The following VPS9D1 variants were observed in gnomAD, a reference collection of about 807,000 sequenced individuals.
VPS9D1 encodes the protein VPS9 domain-containing protein 1.
In VPS9D1, 78 loss-of-function variants were observed where a neutral mutation model predicts 75.8. The ratio of observed to expected loss-of-function variants is 1.03; its 90% CI spans 0.86 to 1.24. The LOEUF is 1.24. VPS9D1 is among the 50% of genes most tolerant of loss of function. The pLI is 0.00. For missense variants in VPS9D1, 1,057 were observed against 847.7 expected (o/e 1.25, Z -3.07); for synonymous variants, 481 against 385.6 (o/e 1.25, Z -2.90).
intron 9 of VPS9D1, 93 bp downstream of exon 9, chr16:89,711,234 G>C: frequency 7.2e-7 from 1 of 1,393,648 alleles, no homozygotes; most frequent in Admixed American, 2.1e-5. Context: ...CAGGCTCCCT[G>C]TGTCAGTCCA....
chr16:89,709,720 G>T lies in VPS9D1; in HGVS notation c.1388+57C>A, dbSNP rs922100001. 1.9e-6 allele frequency: 3 copies of T among 1,610,778 alleles called. No individual in the cohort carries two copies. In the African/African-American group the frequency reaches 4.0e-5, roughly 21 times the overall value. On this transcript the variant is annotated intron_variant, in intron 11 of 14. Transcript: ENST00000389386. ...GCCAGGGAGCAGGGCAGGCCTCCTG[G>T]GGGACTGGGCTGGAAGACACTAGGC...
intron 4 of VPS9D1, among the ~76,000 whole-genome samples, chr16:89,714,933 C>T (rs1257879021): frequency 6.6e-6 from 1 of 151,890 alleles, no homozygotes; most frequent in Non-Finnish European, 1.5e-5. Context: ...TGGGGTTTCA[C>T]CATGTTAGCC....
At chr16:89,709,498 G>C in intron 11 of VPS9D1, 63 bp from the exon 12 acceptor site, 1 of 1,454,364 alleles carries the variant, frequency 6.9e-7, no homozygotes, top group Non-Finnish European at 9.1e-7. Context: ...CAGAAGCAGG[G>C]CTGTGGCTGG....
At position 89,720,185 on chromosome 16, in the gene VPS9D1, TCTC is replaced by T. The variant is rs1335292144; in HGVS notation, c.99+575_99+577del. 2.6e-5 allele frequency among the ~76,000 whole-genome samples: 4 copies of T among 152,112 alleles called. No individual in the cohort carries two copies. The South Asian group carries it at 6.2e-4, about 24-fold the overall frequency. ...AAGCAGCAGATTCAGGAACGAGGCT[TCTC>T]CTAGGCACAGGCAGGCTCCTTCCCT... On this transcript the variant is annotated intron_variant, in intron 1 of 14. Coordinates refer to ENST00000389386, the MANE Select transcript of VPS9D1 (RefSeq NM_004913.3).
Position 89,707,805 on chromosome 16 carries a change from G to C in VPS9D1, c.*56C>G, listed in dbSNP as rs1306684328. On this transcript the variant is annotated 3_prime_UTR_variant, in exon 15 of 15. Transcript: ENST00000389386. ...AGATCCCATGGCTCCAGGTGTAGGAGAGACAGCCCTGGGAGGCGAGGCCAG... is the reference window on the plus strand; with the variant it reads ...AGATCCCATGGCTCCAGGTGTAGGACAGACAGCCCTGGGAGGCGAGGCCAG... 1.1e-5 allele frequency: 17 copies of C among 1,516,204 alleles called. No individual in the cohort carries two copies. The highest frequency in any genetic ancestry group is 2.3e-5 in the South Asian group (2 of 88,480). 93.9% of individuals were successfully genotyped at this position (1,516,204 alleles called of 1,614,324 possible).
intron 1 of VPS9D1, 138 bp from the exon 2 acceptor site, chr16:89,719,240 C>G (rs769041280): frequency 2.4e-6 from 2 of 832,714 alleles, no homozygotes; most frequent in Admixed American, 1.9e-5. Flanking sequence ...AGACATTGAG[C>G]CTGCGGTGGT....
chr16:89,712,631 TG>T lies in VPS9D1; in HGVS notation c.516del (p.Ser173AlafsTer9), dbSNP rs757409905. 6.2e-7 allele frequency: 1 copy of T among 1,610,638 alleles called. No individual in the cohort carries two copies. Among genetic ancestry groups the T allele is most frequent in the Non-Finnish European group, 8.5e-7 (1 of 1,178,282 alleles). ...AYEARMARLD[P>X]SQAMQKTSLT... Reference sequence around the variant, plus strand: ...AGGGATGTCTTCTGCATGGCCTGGCTGGGGTCTAGCCGCGCCATTCGGGCCT... The same window carrying T: ...AGGGATGTCTTCTGCATGGCCTGGCTGGGTCTAGCCGCGCCATTCGGGCCT... On this transcript the variant is annotated frameshift_variant, in exon 5 of 15. Coordinates refer to ENST00000389386, the MANE Select transcript of VPS9D1 (RefSeq NM_004913.3). LOFTEE classifies it high-confidence loss of function.
chr16:89,717,501 G>A (rs997114905), intron 2 of VPS9D1: 3 of 452,590 alleles, frequency 6.6e-6, no homozygotes, highest in South Asian at 3.1e-5. Context: ...CCTTCTGCGC[G>A]CCGTGGGAGC....
intron 4 of VPS9D1, among the ~76,000 whole-genome samples, chr16:89,716,204 A>C (rs1215212023): frequency 6.7e-6 from 1 of 149,956 alleles, no homozygotes. Context: ...GTCTCTACTA[A>C]AAATACAAAA....
intron 8 of VPS9D1, 160 bp downstream of exon 8, chr16:89,711,722 C>G (rs2060928792): frequency 5.4e-6 from 5 of 931,658 alleles, no homozygotes; most frequent in Non-Finnish European, 7.9e-6. Context: ...AGCCCTGGCC[C>G]CGCCCCCTCA....
At chr16:89,710,470 G>A (rs2060889161) in intron 10 of VPS9D1, 116 bp downstream of exon 10, 2 of 1,169,982 alleles carry the variant, frequency 1.7e-6, no homozygotes, top group Non-Finnish European at 1.2e-6. Flanking sequence ...CTGGGTGGAT[G>A]TAAGTCTGAT....
intron 12 of VPS9D1, 37 bp downstream of exon 12, chr16:89,709,190 G>A: frequency 1.2e-6 from 2 of 1,610,444 alleles, no homozygotes; most frequent in Non-Finnish European, 1.7e-6. Context: ...ACTGGGATGG[G>A]AGCCTGTCCC....
chr16:89,711,906 G>A lies in VPS9D1; in HGVS notation c.723C>T (p.Ala241=), dbSNP rs267604683. 1.3e-6 allele frequency: 2 copies of A among 1,551,422 alleles called. No individual in the cohort carries two copies. The highest frequency in any genetic ancestry group is 1.2e-5 in the South Asian group (1 of 84,122). The change falls in exon 8 of 15, where the codon GCC becomes GCT. Residue 241 remains alanine (A), a synonymous_variant. Coordinates refer to ENST00000389386, the MANE Select transcript of VPS9D1 (RefSeq NM_004913.3). ...EEREQRALYA[A]ILEYEQDHDW... is the part of the protein sequence containing the mutation. ...CATGGTCCTGTTCGTACTCCAGGAT[G>A]GCGGCGTAAAGGGCCCGCTGCTCCC... is the stretch of plus-strand genomic sequence containing the variant.
intron 14 of VPS9D1, 105 bp downstream of exon 14, chr16:89,708,322 C>A (rs542783172): frequency 4.5e-4 from 513 of 1,141,508 alleles, no homozygotes; most frequent in Non-Finnish European, 6.0e-4. Flanking sequence ...GTGACGGAGC[C>A]ACACGCTACC....
In VPS9D1 at chr16:89,712,116, G is replaced by A. The variant is rs2060945751; in HGVS notation, c.607-17C>T. 1 of 1,548,254 alleles carries A rather than the reference G, an allele frequency of 6.5e-7. No homozygotes were observed. Among genetic ancestry groups the A allele is most frequent in the Non-Finnish European group, 8.7e-7 (1 of 1,146,778 alleles). On this transcript the variant is annotated splice_polypyrimidine_tract_variant and intron_variant, in intron 6 of 14. Coordinates refer to ENST00000389386, the MANE Select transcript of VPS9D1 (RefSeq NM_004913.3). ...TCTCTGGAGCTGGGTGCAGAGTCAA[G>A]GGGCCGAGCGTGGGATCTGAGCGGG...
chr16:89,708,511 G>A lies in VPS9D1; in HGVS notation c.1718C>T (p.Pro573Leu), dbSNP rs776883284. 1 of 1,613,110 alleles carries A rather than the reference G, an allele frequency of 6.2e-7. No individual in the cohort carries two copies. Among genetic ancestry groups the A allele is most frequent in the South Asian group, 1.1e-5 (1 of 91,050 alleles). The change falls in exon 14 of 15, where the codon CCC becomes CTC. Residue 573 changes from proline to leucine, a missense_variant. Physicochemically the swap from Pro to Leu is moderately conservative, Grantham distance 98. Coordinates refer to ENST00000389386, the MANE Select transcript of VPS9D1 (RefSeq NM_004913.3). Reference protein sequence around the residue: ...AAAIGADDLLPILSFVVLRSG... With the variant: ...AAAIGADDLLLILSFVVLRSG... ...CCTCAGCACCACGAAGGACAGGATG[G>A]GCAGCAGGTCATCGGCACCACTGTC...
chr16:89,711,128 T>C, intron 9 of VPS9D1, 118 bp from the exon 10 acceptor site: 2 of 1,251,666 alleles, frequency 1.6e-6, no homozygotes, highest in South Asian at 3.1e-5. Flanking sequence ...ACAGTGAATG[T>C]TGGAAAGTCT....
chr16:89,712,773 C>G, intron 4 of VPS9D1, 57 bp from the exon 5 acceptor site: 1 of 1,405,876 alleles, frequency 7.1e-7, no homozygotes, highest in South Asian at 1.4e-5. Context: ...TGTCTGGACA[C>G]CAGAGGAGTC....
In VPS9D1 at chr16:89,709,451, G is replaced by T; in HGVS notation, c.1389-16C>A. The stretch of plus-strand genomic sequence containing the variant: ...GTGCACGCTCCTGGGGCAGAGAGAG[G>T]CCAGGCTAAGCTGCCCCAGGGACCT... On this transcript the variant is annotated splice_polypyrimidine_tract_variant and intron_variant, in intron 11 of 14. Transcript: ENST00000389386. The T allele has an allele frequency of 6.7e-7, 1 of 1,500,184 alleles. No homozygotes were observed. Among genetic ancestry groups the T allele is most frequent in the Non-Finnish European group, 8.8e-7 (1 of 1,133,806 alleles). 92.9% of individuals were successfully genotyped at this position (1,500,184 alleles called of 1,614,324 possible).
Sources: gnomAD v4.1 joint callset for allele counts (sites outside exome capture counted in the v4.1 genomes callset) on GRCh38, gnomAD v4.1.1 for gene constraint, MANE v1.5 for transcripts, NCBI Gene and HGNC (gene_info 2026-07-23, HGNC 2026-07-21) for gene names.